NELL2: variants seen among roughly 807,000 people sequenced by gnomAD.
The protein encoded by NELL2 is neural EGFL like 2.
NELL2 carries 41 observed loss-of-function variants against 109.6 expected under a neutral mutation model. The observed-to-expected ratio is 0.37, with a 90% CI of 0.29 to 0.49. The LOEUF (loss-of-function observed/expected upper bound fraction) is 0.49. Among genes scored for constraint, NELL2 ranks in the 20% least tolerant of loss-of-function variants. NELL2 has a pLI of 0.98. For synonymous variants in NELL2, 355 were observed against 344.7 expected (o/e 1.03, Z -0.33); for missense variants, 900 against 1,008.3 (o/e 0.89, Z 1.45).
At chr12:44,727,479 AAG>A (rs1263962408) in intron 9 of NELL2, among the ~76,000 whole-genome samples, 5 of 152,124 alleles carry the variant, frequency 3.3e-5, no homozygotes, top group Admixed American at 2.6e-4. Context: ...TGACTGCAAA[AAG>A]AGTAATAAAA....
intron 7 of NELL2, among the ~76,000 whole-genome samples, 185 bp from the exon 8 acceptor site, chr12:44,776,335 T>A (rs1941756646): frequency 6.6e-6 from 1 of 152,200 alleles, no homozygotes; most frequent in Non-Finnish European, 1.5e-5. Flanking sequence ...TCTCTCCTCT[T>A]CTTTTTGTGA....
intron 3 of NELL2, among the ~76,000 whole-genome samples, chr12:44,783,917 C>A (rs1942061110): frequency 6.6e-6 from 1 of 151,880 alleles, no homozygotes; most frequent in African/African-American, 2.4e-5. Context: ...TACATAAAAA[C>A]TGTTAACAAA....
intron 12 of NELL2, among the ~76,000 whole-genome samples, chr12:44,686,515 T>C (rs1948721892): frequency 6.6e-6 from 1 of 152,236 alleles, no homozygotes; most frequent in African/African-American, 2.4e-5. Flanking sequence ...TTCCAGTTTT[T>C]CTGTTCTGTT....
At position 44,749,551 on chromosome 12, in the gene NELL2, C is replaced by A. The variant is rs568368087; in HGVS notation, c.994+25196G>T. Among the ~76,000 whole-genome samples, 78 of 152,206 alleles carry A rather than the reference C, an allele frequency of 5.1e-4. 1 individual carries two copies. In the South Asian group the frequency reaches 0.015, roughly 30 times the overall value. ...ATGTTATTTCTTTTAACATTTCCATCTTTTATAGAAGAAACTATTTTGTCA... is the reference window on the plus strand; with the variant it reads ...ATGTTATTTCTTTTAACATTTCCATATTTTATAGAAGAAACTATTTTGTCA... On this transcript the variant is annotated intron_variant, in intron 9 of 19. Coordinates refer to ENST00000429094, the MANE Select transcript of NELL2 (RefSeq NM_001145108.2).
intron 1 of NELL2, among the ~76,000 whole-genome samples, chr12:44,886,564 T>C (rs938240601): frequency 8.6e-5 from 13 of 152,038 alleles, no homozygotes; most frequent in Non-Finnish European, 1.8e-4. Flanking sequence ...TTTTGAGGTA[T>C]ATGAGATAAT....
At chr12:44,793,583 C>G (rs919818109) in intron 3 of NELL2, among the ~76,000 whole-genome samples, 2 of 152,146 alleles carry the variant, frequency 1.3e-5, no homozygotes, top group African/African-American at 4.8e-5. Context: ...GGTGATACAA[C>G]ACCCTACAAA....
chr12:44,508,881 C>A lies in NELL2; in HGVS notation c.*53G>T, dbSNP rs2138949533. 1.3e-6 allele frequency: 2 copies of A among 1,510,950 alleles called. No homozygotes were observed. Among genetic ancestry groups the A allele is most frequent in the East Asian group, 2.3e-5 (1 of 43,688 alleles). 93.6% of individuals were successfully genotyped at this position (1,510,950 alleles called of 1,614,324 possible). ...ATTTAAGTTTTAACTTCTTTTTGGT[C>A]TTTTAATGAAAGAACATTCTTTTAA... is the stretch of plus-strand genomic sequence containing the variant. On this transcript the variant is annotated 3_prime_UTR_variant, in exon 20 of 20. Transcript: ENST00000429094.
intron 15 of NELL2, among the ~76,000 whole-genome samples, chr12:44,595,797 T>A (rs1488651204): frequency 6.6e-6 from 1 of 152,140 alleles, no homozygotes; most frequent in African/African-American, 2.4e-5. Context: ...TTCACTCTTA[T>A]TCAGCCTTCT....
At chr12:44,697,386 T>C (rs1213307838) in intron 12 of NELL2, among the ~76,000 whole-genome samples, 1 of 152,134 alleles carries the variant, frequency 6.6e-6, no homozygotes, top group Non-Finnish European at 1.5e-5. Context: ...GCCATTTGGA[T>C]ACGCCAATGA....
At chr12:44,624,495 C>T (rs976175482) in intron 13 of NELL2, among the ~76,000 whole-genome samples, 4 of 151,974 alleles carry the variant, frequency 2.6e-5, no homozygotes, top group African/African-American at 9.7e-5. Flanking sequence ...ATCGTCTTTC[C>T]CCCAACCTCT....
At chr12:44,759,108 C>T (rs928044342) in intron 9 of NELL2, among the ~76,000 whole-genome samples, 6 of 152,176 alleles carry the variant, frequency 3.9e-5, no homozygotes, top group Admixed American at 3.3e-4. Context: ...TCTTGTTACT[C>T]TTGGGTATGA....
intron 15 of NELL2, among the ~76,000 whole-genome samples, chr12:44,581,172 A>G (rs1019654673): frequency 6.6e-5 from 10 of 152,116 alleles, no homozygotes; most frequent in African/African-American, 2.4e-4. Context: ...TAAAGTCTAT[A>G]CTTAAAGCCA....
At chr12:44,641,462 G>C (rs913041420) in intron 13 of NELL2, among the ~76,000 whole-genome samples, 6 of 152,012 alleles carry the variant, frequency 3.9e-5, no homozygotes, top group African/African-American at 7.2e-5. Flanking sequence ...AATCTTACCT[G>C]ACAACGTAAG....
chr12:44,776,276 T>A, intron 7 of NELL2, 126 bp from the exon 8 acceptor site: 1 of 800,170 alleles, frequency 1.2e-6, no homozygotes, highest in South Asian at 2.9e-5. Context: ...ATCAACCACT[T>A]GCCATAAACA....
intron 2 of NELL2, among the ~76,000 whole-genome samples, chr12:44,851,456 C>T (rs753063139): frequency 1.6e-4 from 25 of 151,936 alleles, no homozygotes; most frequent in Admixed American, 4.6e-4. Context: ...TGATTGCATG[C>T]CAATAACAAA....
At chr12:44,684,063 T>G (rs1948625090) in intron 12 of NELL2, among the ~76,000 whole-genome samples, 1 of 152,204 alleles carries the variant, frequency 6.6e-6, no homozygotes, top group African/African-American at 2.4e-5. Flanking sequence ...ACTCTTTGGT[T>G]GGTAAGCTAT....
At chr12:44,515,474 A>G (rs925757702) in intron 19 of NELL2, among the ~76,000 whole-genome samples, 2 of 151,976 alleles carry the variant, frequency 1.3e-5, no homozygotes, top group African/African-American at 4.8e-5. Flanking sequence ...ATTTATTACA[A>G]AGAAATAAAA....
intron 9 of NELL2, among the ~76,000 whole-genome samples, chr12:44,757,422 G>A (rs758852530): frequency 6.6e-6 from 1 of 151,982 alleles, no homozygotes; most frequent in Non-Finnish European, 1.5e-5. Flanking sequence ...AAATATCGAA[G>A]TCTTTTAACA....
rs1941751618 is a variant in NELL2 at position 44,776,183 on chromosome 12, C to T, written c.763-33G>A. 5 of 1,608,076 alleles carry T rather than the reference C, an allele frequency of 3.1e-6. No individual in the cohort carries two copies. The East Asian group carries it at 1.1e-4, about 36-fold the overall frequency. The stretch of plus-strand genomic sequence containing the variant: ...ACAAAAGAACGGGTTTTACATTGTT[C>T]ATCCTTCCAGCAACACAGAAATGTG... On this transcript the variant is annotated intron_variant, in intron 7 of 19. Transcript: ENST00000429094.
Sources: allele counts gnomAD v4.1 joint callset (sites outside exome capture counted in the v4.1 genomes callset), GRCh38; gene constraint gnomAD v4.1.1; transcripts MANE v1.5; gene names NCBI Gene and HGNC (gene_info 2026-07-23, HGNC 2026-07-21).